Variants in NCAM2 observed in about 807,000 individuals in gnomAD.
NCAM2 encodes neural cell adhesion molecule 2, also known as N-CAM-2.
In NCAM2, 30 loss-of-function variants were observed where a neutral mutation model predicts 98.1. The ratio of observed to expected loss-of-function variants is 0.31; its 90% CI spans 0.23 to 0.41. The LOEUF (loss-of-function observed/expected upper bound fraction) is 0.41, where lower values mean the gene tolerates loss of function less well. NCAM2 is among the 10% of genes least tolerant of loss of function. The pLI, the probability that NCAM2 is intolerant of heterozygous loss-of-function variation, is 1.00. For missense variants in NCAM2, 867 were observed against 1,005.8 expected (o/e 0.86, Z 1.87); for synonymous variants, 368 against 342.4 (o/e 1.07, Z -0.83).
intron 16 of NCAM2, among the ~76,000 whole-genome samples, chr21:21,530,143 ATT>A (rs1989556161): frequency 7.0e-6 from 1 of 143,126 alleles, no homozygotes; most frequent in African/African-American, 2.5e-5. Context: ...ATTTAATTTA[ATT>A]TAATTATATA....
chr21:21,346,469 A>G (rs1484544242), intron 8 of NCAM2, among the ~76,000 whole-genome samples: 1 of 152,014 alleles, frequency 6.6e-6, no homozygotes, highest in East Asian at 1.9e-4. Context: ...GCATTGGACA[A>G]ATGTTTCAGA....
At position 21,330,349 on chromosome 21, in the gene NCAM2, G is replaced by A. The variant is rs554512339; in HGVS notation, c.738-5156G>A. Among the ~76,000 whole-genome samples, 10 of 151,742 alleles carry A rather than the reference G, an allele frequency of 6.6e-5. No homozygotes were observed. The East Asian group carries it at 1.9e-3, about 29-fold the overall frequency. On this transcript the variant is annotated intron_variant, in intron 6 of 17. Coordinates refer to ENST00000400546, the MANE Select transcript of NCAM2 (RefSeq NM_004540.5). ...ATATGTCATATTTCCAATTTGGAGGGGTTTAAATTTTGTTTTTAATTCTCA... is the reference window on the plus strand; with the variant it reads ...ATATGTCATATTTCCAATTTGGAGGAGTTTAAATTTTGTTTTTAATTCTCA...
intron 4 of NCAM2, among the ~76,000 whole-genome samples, chr21:21,288,288 T>C (rs953590039): frequency 1.3e-5 from 2 of 151,974 alleles, no homozygotes; most frequent in African/African-American, 4.8e-5. Flanking sequence ...GGGTCAGCTA[T>C]ACTTCATTTG....
chr21:21,279,037 C>A (rs1480550941), intron 1 of NCAM2, among the ~76,000 whole-genome samples: 2 of 152,156 alleles, frequency 1.3e-5, no homozygotes, highest in Admixed American at 1.3e-4. Context: ...CTCATTTATA[C>A]AACTATTGGC....
Position 21,374,011 on chromosome 21 carries a change from A to G in NCAM2, c.1193A>G (p.Glu398Gly). The G allele has an allele frequency of 1.2e-6, 2 of 1,600,304 alleles. No individual in the cohort carries two copies. Among genetic ancestry groups the G allele is most frequent in the Non-Finnish European group, 1.7e-6 (2 of 1,174,928 alleles). ...CAAAAGAGCATGTACCTTGATATTG[A>G]ATGTAAGTTACTTTCCTTTGTATTT... ...GHQKSMYLDI[E>G]YAPKFISNQT... The change falls in exon 9 of 18, where the codon GAA (glutamate) becomes GGA (glycine). Residue 398 changes from glutamate (E) to glycine (G), a missense_variant and splice_region_variant. By Grantham distance (98) the Glu-to-Gly change is moderately conservative. This residue lies in a region of NCAM2 where 447 missense variants were observed against 495.7 expected (regional missense o/e 0.90). Coordinates refer to ENST00000400546, the MANE Select transcript of NCAM2 (RefSeq NM_004540.5).
At chr21:21,417,374 C>T (rs2077015559) in intron 10 of NCAM2, among the ~76,000 whole-genome samples, 1 of 152,062 alleles carries the variant, frequency 6.6e-6, no homozygotes, top group South Asian at 2.1e-4. Flanking sequence ...TTCCTATGAT[C>T]TGTTTCTAGA....
At chr21:21,444,324 G>A (rs1296473178) in intron 12 of NCAM2, among the ~76,000 whole-genome samples, 1 of 152,150 alleles carries the variant, frequency 6.6e-6, no homozygotes, top group Non-Finnish European at 1.5e-5. Context: ...CCAGGTTTTG[G>A]TATCAGGATG....
chr21:21,019,280 A>G (rs2064380315), intron 1 of NCAM2, among the ~76,000 whole-genome samples: 1 of 152,206 alleles, frequency 6.6e-6, no homozygotes, highest in Admixed American at 6.5e-5. Flanking sequence ...AAACTTTTTG[A>G]TAATTATACC....
intron 1 of NCAM2, among the ~76,000 whole-genome samples, chr21:21,046,624 C>T (rs1445878436): frequency 2.6e-5 from 4 of 152,138 alleles, no homozygotes; most frequent in African/African-American, 7.2e-5. Flanking sequence ...ACCATTTTGG[C>T]GTCACCTCTT....
At chr21:21,507,788 C>CA (rs35904478) in intron 15 of NCAM2, among the ~76,000 whole-genome samples, 1,082 of 97,878 alleles carry the variant, frequency 0.011, 7 homozygotes, top group African/African-American at 0.019. Context: ...GACTCCATCT[C>CA]AAAAAAAAAA....
At chr21:21,245,751 T>C (rs540798499) in intron 1 of NCAM2, among the ~76,000 whole-genome samples, 3 of 151,128 alleles carry the variant, frequency 2.0e-5, no homozygotes, top group African/African-American at 7.4e-5. Flanking sequence ...TTACATTATT[T>C]CTTTCTTTCT....
At chr21:21,041,111 CAG>C (rs1201971023) in intron 1 of NCAM2, among the ~76,000 whole-genome samples, 4 of 151,928 alleles carry the variant, frequency 2.6e-5, no homozygotes, top group Non-Finnish European at 4.4e-5. Flanking sequence ...AACAACAAAA[CAG>C]AAACACAAAG....
chr21:21,448,372 A>G (rs957632634), intron 12 of NCAM2, among the ~76,000 whole-genome samples: 1 of 152,004 alleles, frequency 6.6e-6, no homozygotes, highest in Non-Finnish European at 1.5e-5. Flanking sequence ...GAGGGGAAAG[A>G]TACACACCAG....
chr21:21,138,167 A>G (rs977584976), intron 1 of NCAM2, among the ~76,000 whole-genome samples: 1 of 152,186 alleles, frequency 6.6e-6, no homozygotes, highest in African/African-American at 2.4e-5. Flanking sequence ...GCTGCAGTTC[A>G]CATTCCCTAA....
chr21:21,482,521 G>T (rs1985981581), intron 15 of NCAM2, among the ~76,000 whole-genome samples: 1 of 151,418 alleles, frequency 6.6e-6, no homozygotes. Context: ...AAGTTTTCTG[G>T]AATTTTGAAT....
chr21:21,361,690 T>C (rs2075650041), intron 8 of NCAM2, among the ~76,000 whole-genome samples: 1 of 152,092 alleles, frequency 6.6e-6, no homozygotes, highest in African/African-American at 2.4e-5. Flanking sequence ...GTCTTCTATG[T>C]CCAATGACTT....
chr21:21,111,563 T>C (rs2066454880), intron 1 of NCAM2, among the ~76,000 whole-genome samples: 1 of 152,078 alleles, frequency 6.6e-6, no homozygotes, highest in Non-Finnish European at 1.5e-5. Flanking sequence ...AAGCCCACTG[T>C]GACACATGCT....
In NCAM2 at chr21:21,509,018, AAAAGT is replaced by A; in HGVS notation, c.2250_2254del (p.Ser750ArgfsTer26). 1 of 1,613,574 alleles carries A rather than the reference AAAAGT, an allele frequency of 6.2e-7. No individual in the cohort carries two copies. Among genetic ancestry groups the A allele is most frequent in the Non-Finnish European group, 8.5e-7 (1 of 1,179,772 alleles). ...TGGAAAGAAAAGTGGCTCCAGTGGCAAAAGTAAAGAACTCGAAGAAGGAAAAGCTG... is the reference window on the plus strand; with the variant it reads ...TGGAAAGAAAAGTGGCTCCAGTGGCAAAAGAACTCGAAGAAGGAAAAGCTG... On this transcript the variant is annotated frameshift_variant, in exon 16 of 18. Coordinates refer to ENST00000400546, the MANE Select transcript of NCAM2 (RefSeq NM_004540.5). LOFTEE classifies it high-confidence loss of function.
chr21:21,496,832 G>T (rs1405797972), intron 15 of NCAM2, among the ~76,000 whole-genome samples: 1 of 152,044 alleles, frequency 6.6e-6, no homozygotes, highest in East Asian at 1.9e-4. Flanking sequence ...TCTGCATTGG[G>T]CTAGCCAGTT....
Sources: gnomAD v4.1 joint callset for allele counts (sites outside exome capture counted in the v4.1 genomes callset) on GRCh38, gnomAD v4.1.1 for gene constraint, gnomAD v4.1.1 regional missense constraint, MANE v1.5 for transcripts, NCBI Gene and HGNC (gene_info 2026-07-23, HGNC 2026-07-21) for gene names.